Variants in CAST observed in about 807,000 individuals in gnomAD.
CAST encodes the protein calpastatin, also known as MIR583 host.
In CAST, 76 loss-of-function variants were observed where a neutral mutation model predicts 119.6. The observed-to-expected ratio is 0.64, with a 90% CI of 0.53 to 0.77. The LOEUF (loss-of-function observed/expected upper bound fraction) is 0.77, where lower values mean the gene tolerates loss of function less well. CAST is among the 30% of genes least tolerant of loss of function. The pLI, the probability that CAST is intolerant of heterozygous loss-of-function variation, is 0.00. For missense variants in CAST, 953 were observed against 946.5 expected (o/e 1.01, Z -0.09); for synonymous variants, 319 against 331.6 (o/e 0.96, Z 0.41).
intron 9 of CAST, among the ~76,000 whole-genome samples, chr5:96,734,782 A>C (rs1761288823): frequency 6.6e-6 from 1 of 152,230 alleles, no homozygotes; most frequent in Non-Finnish European, 1.5e-5. Context: ...GATAGATGTC[A>C]GAGGAACTGA....
chr5:96,208,674 C>T, the CAST span, among the ~76,000 whole-genome samples: 1 of 151,692 alleles, frequency 6.6e-6, no homozygotes, highest in Non-Finnish European at 1.5e-5. Context: ...ATTTTTATTG[C>T]ACTATGGTCT....
chr5:96,113,541 A>C, the CAST span, among the ~76,000 whole-genome samples: 25 of 152,352 alleles, frequency 1.6e-4, no homozygotes, highest in South Asian at 4.6e-3. Context: ...GAAAAAAGAA[A>C]GTTTTAGGAA....
At chr5:96,030,758 T>G in the CAST span, among the ~76,000 whole-genome samples, 1 of 152,082 alleles carries the variant, frequency 6.6e-6, no homozygotes, top group Non-Finnish European at 1.5e-5. Context: ...TCAAAAACCA[T>G]TTTTGGGCTA....
At chr5:96,613,686 G>A (rs1561430487) in intron 1 of CAST, among the ~76,000 whole-genome samples, 1 of 152,124 alleles carries the variant, frequency 6.6e-6, no homozygotes, top group East Asian at 1.9e-4. Flanking sequence ...AACAACTTAA[G>A]GGTATTCAAA....
the CAST span, among the ~76,000 whole-genome samples, chr5:96,474,778 G>A: frequency 6.6e-6 from 1 of 152,042 alleles, no homozygotes; most frequent in Non-Finnish European, 1.5e-5. Context: ...GGAAGAAAGT[G>A]GAACAGCCAA....
chr5:96,137,681 A>G, the CAST span, among the ~76,000 whole-genome samples: 4 of 152,198 alleles, frequency 2.6e-5, no homozygotes, highest in African/African-American at 7.2e-5. Context: ...TTAGATTTTT[A>G]ACTATTCTAG....
chr5:96,256,356 TATAA>T, the CAST span, among the ~76,000 whole-genome samples: 1,050 of 132,196 alleles, frequency 7.9e-3, 10 homozygotes, highest in African/African-American at 0.031. Flanking sequence ...ATATACAGTA[TATAA>T]ATATACAGTA....
chr5:96,699,736 T>C (rs998524412), intron 3 of CAST, among the ~76,000 whole-genome samples: 2 of 152,116 alleles, frequency 1.3e-5, no homozygotes, highest in African/African-American at 4.8e-5. Context: ...GGATCCTACT[T>C]TGGGAAGGCA....
the CAST span, among the ~76,000 whole-genome samples, chr5:96,368,685 G>A: frequency 2.0e-5 from 3 of 151,932 alleles, no homozygotes; most frequent in Non-Finnish European, 4.4e-5. Context: ...TGGGATTCTT[G>A]TTTTCTCTCT....
At chr5:96,507,630 G>A in the CAST span, among the ~76,000 whole-genome samples, 1 of 152,170 alleles carries the variant, frequency 6.6e-6, no homozygotes, top group Non-Finnish European at 1.5e-5. Context: ...GAGAAAGGAT[G>A]AGTCTATGAC....
At chr5:96,394,942 C>T in the CAST span, 1 of 1,614,066 alleles carries the variant, frequency 6.2e-7, no homozygotes, top group South Asian at 1.1e-5. Context: ...CACGAGGCTG[C>T]TTCATATGCT....
At chr5:96,016,803 T>C in the CAST span, among the ~76,000 whole-genome samples, 1 of 150,326 alleles carries the variant, frequency 6.7e-6, no homozygotes, top group Non-Finnish European at 1.5e-5. Context: ...TCTCTCAGAG[T>C]GCTGGATGGT....
the CAST span, among the ~76,000 whole-genome samples, chr5:96,507,157 C>T: frequency 5.1e-4 from 78 of 152,150 alleles, 1 homozygote; most frequent in Non-Finnish European, 1.1e-3. Context: ...TCAGCACCCT[C>T]GGAAGGGAAA....
the CAST span, among the ~76,000 whole-genome samples, chr5:96,281,510 T>C: frequency 6.6e-6 from 1 of 152,170 alleles, no homozygotes; most frequent in African/African-American, 2.4e-5. Flanking sequence ...GATAGTTTAT[T>C]TCTCTCTCAC....
At chr5:96,317,458 C>A in the CAST span, among the ~76,000 whole-genome samples, 8 of 102,002 alleles carry the variant, frequency 7.8e-5, no homozygotes, top group South Asian at 1.7e-3. Context: ...GCCTGGGCAA[C>A]AGAGTGAGAC....
the CAST span, among the ~76,000 whole-genome samples, chr5:96,407,433 T>A: frequency 6.6e-6 from 1 of 152,186 alleles, no homozygotes; most frequent in Admixed American, 6.5e-5. Context: ...TTTTAAAAGA[T>A]AATAAAAGTA....
At chr5:96,636,798 C>T (rs915015770) in intron 1 of CAST, among the ~76,000 whole-genome samples, 7 of 152,024 alleles carry the variant, frequency 4.6e-5, no homozygotes, top group Non-Finnish European at 7.4e-5. Context: ...GATTCCCTTA[C>T]GACATTTGCA....
At chr5:96,000,765 T>C in the CAST span, among the ~76,000 whole-genome samples, 1 of 152,216 alleles carries the variant, frequency 6.6e-6, no homozygotes, top group African/African-American at 2.4e-5. Flanking sequence ...CTTAACATAC[T>C]AGTTTGACAT....
At chr5:96,082,027 C>A in the CAST span, among the ~76,000 whole-genome samples, 1 of 152,166 alleles carries the variant, frequency 6.6e-6, no homozygotes, top group Admixed American at 6.5e-5. Flanking sequence ...GATTCTCCTG[C>A]CTCAGCCTCC....
Sources: gnomAD v4.1 joint callset for allele counts (sites outside exome capture counted in the v4.1 genomes callset) on GRCh38, gnomAD v4.1.1 for gene constraint, MANE v1.5 for transcripts, NCBI Gene and HGNC (gene_info 2026-07-23, HGNC 2026-07-21) for gene names.